Variants in CALN1 observed in about 807,000 individuals in gnomAD.
The protein encoded by CALN1 is calcium-binding protein 8.
Under a neutral mutation model 30.6 loss-of-function variants are expected in CALN1, and 17 were observed. The ratio of observed to expected loss-of-function variants is 0.56; its 90% CI spans 0.38 to 0.83. The LOEUF (loss-of-function observed/expected upper bound fraction) is 0.83. Ranked by LOEUF, CALN1 falls within the 40% of genes least tolerant of loss-of-function variation. CALN1 has a pLI of 0.00. For missense variants in CALN1, 291 were observed against 354.9 expected, an observed-to-expected ratio of 0.82 and a Z score of 1.45; for synonymous variants, 156 against 131.4, an observed-to-expected ratio of 1.19 and a Z score of -1.28.
chr7:72,098,886 T>C (rs761630734), intron 4 of CALN1, among the ~76,000 whole-genome samples: 3 of 151,514 alleles, frequency 2.0e-5, no homozygotes, highest in Non-Finnish European at 4.4e-5. Context: ...TTCTGTCCCC[T>C]GGGAATGTCT....
At chr7:72,125,792 T>G (rs988597642) in intron 3 of CALN1, among the ~76,000 whole-genome samples, 37 of 130,906 alleles carry the variant, frequency 2.8e-4, no homozygotes, top group Admixed American at 1.5e-3. Context: ...AAGTCCACTG[T>G]ATCATTCTTT....
chr7:71,887,535 G>A (rs1357597021), intron 5 of CALN1, among the ~76,000 whole-genome samples: 1 of 152,014 alleles, frequency 6.6e-6, no homozygotes, highest in Non-Finnish European at 1.5e-5. Context: ...CCCACTTCAG[G>A]TGATCCACCC....
intron 3 of CALN1, among the ~76,000 whole-genome samples, chr7:72,156,372 C>G (rs1787677801): frequency 6.6e-6 from 1 of 152,198 alleles, no homozygotes; most frequent in Admixed American, 6.5e-5. Context: ...GAAGAGCCCC[C>G]TGTATCTTCA....
the CALN1 span, among the ~76,000 whole-genome samples, chr7:72,472,649 GC>G: frequency 2.6e-5 from 4 of 152,266 alleles, no homozygotes; most frequent in African/African-American, 9.6e-5. Context: ...GGGCGTGGTG[GC>G]GGGCGCCTGT....
In CALN1 at chr7:72,403,344, T is replaced by C; in HGVS notation, c.26A>G (p.Glu9Gly). 1 of 1,548,730 alleles carries C rather than the reference T, an allele frequency of 6.5e-7. No individual in the cohort carries two copies. The highest frequency in any genetic ancestry group is 8.7e-7 in the Non-Finnish European group (1 of 1,146,924). The change falls in exon 2 of 7, where the codon GAG becomes GGG. Residue 9 changes from glutamate to glycine, a missense_variant. Coordinates refer to ENST00000395275, the MANE Select transcript of CALN1 (RefSeq NM_031468.4). MRLPEQPG[E>G]GKPENEKKGD... ...CTTTTTCTCATTCTCGGGCTTCCCC[T>C]CTCCGGGTTGCTCTGGCAGCCGCAT...
intron 3 of CALN1, among the ~76,000 whole-genome samples, chr7:72,122,981 C>CGG (rs1278285200): frequency 1.3e-5 from 2 of 152,140 alleles, no homozygotes; most frequent in Non-Finnish European, 2.9e-5. Flanking sequence ...ATAGAGACCA[C>CGG]GGCAATGGGA....
chr7:71,782,763 G>T lies in CALN1; in HGVS notation c.*5012C>A, dbSNP rs1293979850. On this transcript the variant is annotated 3_prime_UTR_variant, in exon 7 of 7. Transcript: ENST00000395275. ...TTTCTTTTTTAAAATTATTTTTTGAGATGAAGTTTTGCTCTGTTGCCCAGG... is the reference window on the plus strand; with the variant it reads ...TTTCTTTTTTAAAATTATTTTTTGATATGAAGTTTTGCTCTGTTGCCCAGG... The T allele has an allele frequency of 2.0e-5, 3 of 152,142 alleles. No homozygotes were observed. The highest frequency in any genetic ancestry group is 7.2e-5 in the African/African-American group (3 of 41,430). The allele number at this position is 152,142 out of a possible 1,614,324, so 9.4% of individuals were successfully genotyped here. A position where few individuals can be genotyped will look rare whatever the true frequency, so the allele number is the denominator to read the frequency against.
intron 5 of CALN1, among the ~76,000 whole-genome samples, chr7:71,820,307 C>T (rs981928436): frequency 1.3e-5 from 2 of 152,148 alleles, no homozygotes; most frequent in African/African-American, 4.8e-5. Flanking sequence ...AGTTGTCCAG[C>T]CTTTTTAGAC....
chr7:72,023,892 T>C, intron 4 of CALN1, 123 bp from the exon 5 acceptor site: 1 of 608,882 alleles, frequency 1.6e-6, no homozygotes, highest in Non-Finnish European at 2.9e-6. Context: ...GAAGAGCTGG[T>C]AACATTACTT....
At chr7:71,812,311 T>G (rs1465311095) in intron 5 of CALN1, among the ~76,000 whole-genome samples, 1 of 152,094 alleles carries the variant, frequency 6.6e-6, no homozygotes, top group Non-Finnish European at 1.5e-5. Context: ...TACATAAAAC[T>G]AAGAGGCTAC....
intron 4 of CALN1, among the ~76,000 whole-genome samples, chr7:72,082,416 T>C (rs987364299): frequency 6.6e-6 from 1 of 152,178 alleles, no homozygotes; most frequent in Admixed American, 6.5e-5. Context: ...CGGTGAAGGT[T>C]GGATAGGGCA....
At chr7:72,115,248 A>G (rs1439421819) in intron 3 of CALN1, among the ~76,000 whole-genome samples, 2 of 146,244 alleles carry the variant, frequency 1.4e-5, no homozygotes, top group Non-Finnish European at 3.0e-5. Context: ...AGTGTATAAT[A>G]ATAACATGGG....
chr7:72,344,382 A>C (rs1463589890), intron 2 of CALN1, among the ~76,000 whole-genome samples: 1 of 152,066 alleles, frequency 6.6e-6, no homozygotes, highest in Non-Finnish European at 1.5e-5. Flanking sequence ...AATTAGAAAA[A>C]TGTCAAAAAA....
chr7:71,984,624 T>C (rs1326858485), intron 5 of CALN1, among the ~76,000 whole-genome samples: 2 of 152,060 alleles, frequency 1.3e-5, no homozygotes, highest in Non-Finnish European at 1.5e-5. Context: ...CATGTGAACA[T>C]CACTGGAGGG....
intron 6 of CALN1, among the ~76,000 whole-genome samples, chr7:71,799,285 A>G (rs1479143084): frequency 1.3e-5 from 2 of 152,102 alleles, no homozygotes; most frequent in Non-Finnish European, 2.9e-5. Flanking sequence ...GAGACTCTCA[A>G]TATTTACCCA....
chr7:72,400,971 CCA>C (rs1806297916), intron 2 of CALN1, among the ~76,000 whole-genome samples: 1 of 152,156 alleles, frequency 6.6e-6, no homozygotes, highest in Admixed American at 6.5e-5. Flanking sequence ...CCTGCCCTGC[CCA>C]CACTGTGCAT....
chr7:72,106,415 C>T (rs1260862818), intron 3 of CALN1, 121 bp from the exon 4 acceptor site: 16 of 1,173,396 alleles, frequency 1.4e-5, no homozygotes, highest in Non-Finnish European at 1.7e-5. Context: ...TGTTAAAACT[C>T]TTTAATCAGA....
chr7:72,328,096 T>C (rs567604684), intron 2 of CALN1, among the ~76,000 whole-genome samples: 1 of 149,852 alleles, frequency 6.7e-6, no homozygotes, highest in South Asian at 2.1e-4. Context: ...CATTTCTGTA[T>C]AGCTTTTAAT....
At chr7:72,185,804 C>G (rs1459015659) in intron 3 of CALN1, among the ~76,000 whole-genome samples, 1 of 152,214 alleles carries the variant, frequency 6.6e-6, no homozygotes, top group African/African-American at 2.4e-5. Context: ...TCCTCATTCT[C>G]TCTTTGCCTG....
Sources: gnomAD v4.1 joint callset for allele counts (sites outside exome capture counted in the v4.1 genomes callset) on GRCh38, gnomAD v4.1.1 for gene constraint, MANE v1.5 for transcripts, NCBI Gene and HGNC (gene_info 2026-07-23, HGNC 2026-07-21) for gene names.